Variants in TBL2 observed in about 807,000 individuals in gnomAD.
TBL2 encodes transducin beta like 2.
TBL2 carries 33 observed loss-of-function variants against 41.8 expected under a neutral mutation model. That is an observed-to-expected ratio of 0.79 (90% CI 0.60 to 1.06). TBL2 has a LOEUF of 1.06. Among genes scored for constraint, TBL2 ranks in the 50% least tolerant of loss-of-function variants. The probability of loss-of-function intolerance (pLI) is 0.00; values close to 1 mark genes in which losing one functional copy is unlikely to be tolerated. For missense variants in TBL2, 522 were observed against 603.8 expected, an observed-to-expected ratio of 0.86 and a Z score of 1.42; for synonymous variants, 239 against 241.7, an observed-to-expected ratio of 0.99 and a Z score of 0.10.
chr7:73,578,232 G>A (rs1793462330), intron 1 of TBL2, 188 bp downstream of exon 1: 1 of 1,530,104 alleles, frequency 6.5e-7, no homozygotes, highest in African/African-American at 1.4e-5. Flanking sequence ...CCCGCCCCAG[G>A]AGGTGCGCCT....
chr7:73,572,506 G>C (rs1369989301), intron 5 of TBL2, among the ~76,000 whole-genome samples: 5 of 152,148 alleles, frequency 3.3e-5, no homozygotes, highest in Non-Finnish European at 7.4e-5. Context: ...CTATAGTCCT[G>C]ACTACTCAGG....
Position 73,570,236 on chromosome 7 carries a change from T to G in TBL2, c.*271A>C. On this transcript the variant is annotated 3_prime_UTR_variant, in exon 7 of 7. Coordinates refer to ENST00000305632, the MANE Select transcript of TBL2 (RefSeq NM_012453.4). ...TCTCTCTCTCCTCTCCTCTCTACCA[T>G]TCTCCTCAGTGCCAGGTGGGGACAG... The G allele has an allele frequency of 4.7e-6, 2 of 424,040 alleles. No homozygotes were observed. Among genetic ancestry groups the G allele is most frequent in the Non-Finnish European group, 8.2e-6 (2 of 242,768 alleles). 26.3% of individuals were successfully genotyped at this position (424,040 alleles called of 1,614,324 possible).
At chr7:73,572,319 C>T (rs1218504294) in intron 5 of TBL2, among the ~76,000 whole-genome samples, 1 of 152,090 alleles carries the variant, frequency 6.6e-6, no homozygotes, top group Non-Finnish European at 1.5e-5. Context: ...TGTGGTAGTG[C>T]ACGCCTGTAG....
intron 3 of TBL2, 61 bp from the exon 4 acceptor site, chr7:73,573,532 T>C: frequency 3.1e-6 from 5 of 1,603,290 alleles, no homozygotes; most frequent in Middle Eastern, 1.9e-4. Context: ...GTGTTCCAGG[T>C]CCTGTGCTGG....
rs782170808 is a variant in TBL2 at position 73,578,553 on chromosome 7, G to C, written c.-4C>G. On this transcript the variant is annotated 5_prime_UTR_variant, in exon 1 of 7. Coordinates refer to ENST00000305632, the MANE Select transcript of TBL2 (RefSeq NM_012453.4). ...CCGACATCTGCGAGAGCTCCATGTT[G>C]GTGGAACCACTGCCACCTCAGCTAG... 6.3e-7 allele frequency: 1 copy of C among 1,589,298 alleles called. No homozygotes were observed. Among genetic ancestry groups the C allele is most frequent in the South Asian group, 1.1e-5 (1 of 88,754 alleles).
Position 73,576,114 on chromosome 7 carries a change from G to A in TBL2, c.131-1601C>T, listed in dbSNP as rs569866814. 3.3e-5 allele frequency among the ~76,000 whole-genome samples: 5 copies of A among 150,740 alleles called. No homozygotes were observed. In the Middle Eastern group the frequency reaches 0.011, roughly 318 times the overall value. On this transcript the variant is annotated intron_variant, in intron 1 of 6. Coordinates refer to ENST00000305632, the MANE Select transcript of TBL2 (RefSeq NM_012453.4). ...CTACAAAGTGACAAGCAAAAGTACCGAACACAAGCATTAAAGGCTCTATGG... is the reference window on the plus strand; with the variant it reads ...CTACAAAGTGACAAGCAAAAGTACCAAACACAAGCATTAAAGGCTCTATGG...
In TBL2 at chr7:73,570,778, T is replaced by C. The variant is rs1792884077; in HGVS notation, c.1073A>G (p.Asn358Ser). The part of the protein sequence containing the change: ...LASGSSIHLY[N>S]TRRGEKEECF... The stretch of plus-strand genomic sequence containing the variant: ...CTCCTCCTTCTCGCCCCGCCGGGTA[T>C]TGTAGAGATGAATACTACTGCCACT... Residue 358 changes from asparagine (N) to serine (S), a missense_variant, in exon 7 of 7, where the codon AAT becomes AGT. Coordinates refer to ENST00000305632, the MANE Select transcript of TBL2 (RefSeq NM_012453.4). 2 of 1,614,158 alleles carry C rather than the reference T, an allele frequency of 1.2e-6. No individual in the cohort carries two copies. Among genetic ancestry groups the C allele is most frequent in the Non-Finnish European group, 8.5e-7 (1 of 1,180,042 alleles).
intron 5 of TBL2, 51 bp downstream of exon 5, chr7:73,572,793 C>T (rs782805545): frequency 1.2e-6 from 2 of 1,612,474 alleles, no homozygotes; most frequent in African/African-American, 1.3e-5. Context: ...GTGCCTGCTC[C>T]CCAGCCCCAG....
chr7:73,570,711 G>A lies in TBL2; in HGVS notation c.1140C>T (p.Ser380=), dbSNP rs1205237396. Residue 380 remains serine (S), a synonymous_variant, in exon 7 of 7, where the codon TCC becomes TCT. Transcript: ENST00000305632. ...RVHGECIANL[S]FDITGRFLAS... ...CCAGAAAGCGGCCAGTGATGTCAAA[G>A]GACAAGTTGGCGATACACTCGCCAT... 8 of 1,614,070 alleles carry A rather than the reference G, an allele frequency of 5.0e-6. No homozygotes were observed. The highest frequency in any genetic ancestry group is 1.1e-5 in the South Asian group (1 of 91,094).
Position 73,572,852 on chromosome 7 carries a change from G to C in TBL2, c.717C>G (p.Pro239=). Residue 239 remains proline, a synonymous_variant, in exon 5 of 7, where the codon CCC becomes CCG. Transcript: ENST00000305632. ...TACCCCTCCTTGCCCACCTGCCACAGGGAGATACAGCAGCGTGTGTGTTGT... is the reference window on the plus strand; with the variant it reads ...TACCCCTCCTTGCCCACCTGCCACACGGAGATACAGCAGCGTGTGTGTTGT... ...QMNNTHAAVS[P]CGRFVASCGF... The C allele has an allele frequency of 6.2e-7, 1 of 1,614,074 alleles. No homozygotes were observed.
chr7:73,571,500 T>TCA, intron 5 of TBL2, 159 bp from the exon 6 acceptor site: 1 of 986,930 alleles, frequency 1.0e-6, no homozygotes. Flanking sequence ...CTCACGCCTG[T>TCA]CATCCCAGCA....
Position 73,570,695 on chromosome 7 carries a change from G to A in TBL2, c.1156C>T (p.Arg386Cys), listed in dbSNP as rs1463141438. 5.6e-6 allele frequency: 9 copies of A among 1,614,110 alleles called. No homozygotes were observed. Among genetic ancestry groups the A allele is most frequent in the South Asian group, 1.1e-5 (1 of 91,086 alleles). ...IANLSFDITG[R>C]FLASCGDRAV... is the part of the protein sequence containing the mutation. ...CGGTCCCCACAGGAGGCCAGAAAGC[G>A]GCCAGTGATGTCAAAGGACAAGTTG... is the stretch of plus-strand genomic sequence containing the variant. The change falls in exon 7 of 7, where the codon CGC (arginine) becomes TGC (cysteine). Residue 386 changes from arginine (R) to cysteine (C), a missense_variant. By Grantham distance (180) the Arg-to-Cys change is radical. Coordinates refer to ENST00000305632, the MANE Select transcript of TBL2 (RefSeq NM_012453.4).
At chr7:73,577,857 C>A in intron 1 of TBL2, 1 of 179,912 alleles carries the variant, frequency 5.6e-6, no homozygotes, top group Non-Finnish European at 1.2e-5. Context: ...AGGCTGGTCC[C>A]AAACTCCTGG....
At chr7:73,571,931 C>T (rs909237893) in intron 5 of TBL2, 1 of 160,478 alleles carries the variant, frequency 6.2e-6, no homozygotes. Flanking sequence ...CATGGTGGTG[C>T]ATGCCTGTAA....
In TBL2 at chr7:73,572,541, A is replaced by G. The variant is rs991614684; in HGVS notation, c.725+303T>C. ...GAGGCTGAGCTGGGAGAATAGCTAC[A>G]ACCCAGGAGTTTGAGGCTGCAGTGA... On this transcript the variant is annotated intron_variant, in intron 5 of 6. Transcript: ENST00000305632. Among the ~76,000 whole-genome samples the G allele has an allele frequency of 3.7e-4, 56 of 152,346 alleles. 1 individual carries two copies. Among genetic ancestry groups the G allele is most frequent in the African/African-American group, 1.3e-3 (52 of 41,586 alleles).
At chr7:73,574,820 AC>A in intron 1 of TBL2, 1 of 457,684 alleles carries the variant, frequency 2.2e-6, no homozygotes, top group Middle Eastern at 3.2e-4. Flanking sequence ...TCAAAAAAAA[AC>A]AAACAGAAAA....
In TBL2 at chr7:73,578,419, C is replaced by G; in HGVS notation, c.130+1G>C. ...CCCCCACCCGACCCGGCCCCACTTA[C>G]AGGCGGGCCGGCCGCTCCTCTCCTC... On this transcript the variant is annotated splice_donor_variant, in intron 1 of 6. Coordinates refer to ENST00000305632, the MANE Select transcript of TBL2 (RefSeq NM_012453.4). LOFTEE classifies it high-confidence loss of function. The G allele has an allele frequency of 6.6e-7, 1 of 1,526,060 alleles. No individual in the cohort carries two copies. Among genetic ancestry groups the G allele is most frequent in the Non-Finnish European group, 8.8e-7 (1 of 1,137,956 alleles). The allele number at this position is 1,526,060 out of a possible 1,614,324, so 94.5% of individuals were successfully genotyped here.
At chr7:73,572,391 G>A (rs1793015478) in intron 5 of TBL2, among the ~76,000 whole-genome samples, 1 of 152,184 alleles carries the variant, frequency 6.6e-6, no homozygotes, top group African/African-American at 2.4e-5. Flanking sequence ...CAAGGCTACA[G>A]TGAGCTGTGA....
rs151282199 is a variant in TBL2 at position 73,571,193 on chromosome 7, G to A, written c.874C>T (p.Arg292Trp). Residue 292 changes from arginine (R) to tryptophan (W), a missense_variant, in exon 6 of 7, where the codon CGG becomes TGG. Physicochemically the swap from Arg to Trp is moderately radical, Grantham distance 101 (BLOSUM62 -3). Coordinates refer to ENST00000305632, the MANE Select transcript of TBL2 (RefSeq NM_012453.4). ...VHSFAFSNDS[R>W]RMASVSKDGT... ...CATCAGAGCGGATTCACTCACCTCCGTGAGTCGTTGGAGAAAGCAAACGAG... is the reference window on the plus strand; with the variant it reads ...CATCAGAGCGGATTCACTCACCTCCATGAGTCGTTGGAGAAAGCAAACGAG... The A allele has an allele frequency of 1.7e-5, 28 of 1,614,104 alleles. No individual in the cohort carries two copies. Among genetic ancestry groups the A allele is most frequent in the East Asian group, 4.5e-5 (2 of 44,902 alleles).
Sources: allele counts gnomAD v4.1 joint callset (sites outside exome capture counted in the v4.1 genomes callset), GRCh38; gene constraint gnomAD v4.1.1; transcripts MANE v1.5; gene names NCBI Gene and HGNC (gene_info 2026-07-23, HGNC 2026-07-21).